MICU1: variants seen among roughly 807,000 people sequenced by gnomAD.
MICU1 encodes calcium uptake protein 1, mitochondrial.
Under a neutral mutation model 56.8 loss-of-function variants are expected in MICU1, and 45 were observed. That is an observed-to-expected ratio of 0.79 (90% confidence interval 0.62 to 1.02). MICU1 has a LOEUF of 1.02. Among genes scored for constraint, MICU1 ranks in the 50% least tolerant of loss-of-function variants. The pLI is 0.00. For synonymous variants in MICU1, 186 were observed against 195.1 expected (o/e 0.95, Z 0.39); for missense variants, 504 against 587.1 (o/e 0.86, Z 1.46).
intron 9 of MICU1, among the ~76,000 whole-genome samples, chr10:72,409,893 C>G (rs1040388893): frequency 1.3e-5 from 2 of 152,164 alleles, no homozygotes. Context: ...AAGGAACAGA[C>G]TATTATCATC....
chr10:72,485,124 A>C (rs1866425194), intron 6 of MICU1, among the ~76,000 whole-genome samples: 1 of 152,234 alleles, frequency 6.6e-6, no homozygotes, highest in African/African-American at 2.4e-5. Flanking sequence ...AAAATTAACC[A>C]AAATAAAGAA....
chr10:72,450,546 T>C (rs906402469), intron 8 of MICU1, among the ~76,000 whole-genome samples: 1 of 152,086 alleles, frequency 6.6e-6, no homozygotes, highest in African/African-American at 2.4e-5. Flanking sequence ...TCCGGGGAAC[T>C]AACTCTAACA....
At chr10:72,454,989 T>C (rs1355724410) in intron 8 of MICU1, among the ~76,000 whole-genome samples, 2 of 151,974 alleles carry the variant, frequency 1.3e-5, no homozygotes, top group Non-Finnish European at 1.5e-5. Flanking sequence ...AGATCAGAGT[T>C]TGAACCTAAG....
chr10:72,382,566 A>C (rs994419328), intron 10 of MICU1, among the ~76,000 whole-genome samples: 1 of 152,176 alleles, frequency 6.6e-6, no homozygotes, highest in Non-Finnish European at 1.5e-5. Flanking sequence ...GGGGGTGAGT[A>C]CATTAGGAGA....
At chr10:72,613,478 T>C (rs1470080797) in intron 1 of MICU1, among the ~76,000 whole-genome samples, 1 of 151,782 alleles carries the variant, frequency 6.6e-6, no homozygotes, top group Non-Finnish European at 1.5e-5. Context: ...GGTCCCATTA[T>C]GTTGTTCAGG....
At chr10:72,435,473 C>T (rs758051977) in intron 8 of MICU1, among the ~76,000 whole-genome samples, 56 of 150,970 alleles carry the variant, frequency 3.7e-4, no homozygotes, top group Non-Finnish European at 7.5e-4. Flanking sequence ...CCAGCATGAT[C>T]GATGCAGAAG....
chr10:72,391,783 T>C (rs1369855709), intron 10 of MICU1, among the ~76,000 whole-genome samples: 1 of 152,188 alleles, frequency 6.6e-6, no homozygotes, highest in Non-Finnish European at 1.5e-5. Flanking sequence ...AGTGAATACA[T>C]AAAAAATATA....
At chr10:72,464,599 C>T (rs1865734893) in intron 8 of MICU1, among the ~76,000 whole-genome samples, 1 of 152,092 alleles carries the variant, frequency 6.6e-6, no homozygotes, top group Admixed American at 6.5e-5. Flanking sequence ...CTATGGTATA[C>T]CTATATACCA....
At chr10:72,577,958 T>C (rs1462381016) in intron 1 of MICU1, among the ~76,000 whole-genome samples, 3 of 152,160 alleles carry the variant, frequency 2.0e-5, no homozygotes, top group Non-Finnish European at 4.4e-5. Flanking sequence ...ATAAACTTTG[T>C]TGATAAGGCA....
intron 1 of MICU1, among the ~76,000 whole-genome samples, chr10:72,583,664 T>C (rs766622539): frequency 6.6e-6 from 1 of 152,192 alleles, no homozygotes; most frequent in Non-Finnish European, 1.5e-5. Flanking sequence ...GATAAGCTAC[T>C]AGAAATACAA....
intron 8 of MICU1, among the ~76,000 whole-genome samples, chr10:72,437,031 C>T (rs564151616): frequency 6.6e-6 from 1 of 152,250 alleles, no homozygotes; most frequent in African/African-American, 2.4e-5. Context: ...CATTCAAATT[C>T]AGGAAATACA....
chr10:72,404,272 C>T (rs917260862), intron 10 of MICU1, among the ~76,000 whole-genome samples: 1 of 152,180 alleles, frequency 6.6e-6, no homozygotes, highest in Non-Finnish European at 1.5e-5. Flanking sequence ...GCGTGAGCCA[C>T]CACGCCCAGA....
chr10:72,448,427 G>A (rs1224137797), intron 8 of MICU1, among the ~76,000 whole-genome samples: 2 of 150,898 alleles, frequency 1.3e-5, no homozygotes, highest in Non-Finnish European at 2.9e-5. Flanking sequence ...GCCCACCTTG[G>A]CCTCCCAAAG....
intron 1 of MICU1, among the ~76,000 whole-genome samples, chr10:72,595,384 G>A (rs148933914): frequency 9.4e-4 from 141 of 149,524 alleles, no homozygotes; most frequent in African/African-American, 3.2e-3. Flanking sequence ...CTCAGGAGAC[G>A]GAGGTTGCAG....
rs74145761 is a variant in MICU1, at chr10:72,368,083, C to A, written c.*112G>T. 1 of 1,178,938 alleles carries A rather than the reference C, an allele frequency of 8.5e-7. No homozygotes were observed. The highest frequency in any genetic ancestry group is 2.4e-5 in the Admixed American group (1 of 41,006). 73.0% of individuals were successfully genotyped at this position (1,178,938 alleles called of 1,614,324 possible). Reference sequence around the variant, plus strand: ...AACCGACAGAGTCCTGAGGTCATCCCGGGAGGAAGGGGGACTACTTCCAGA... The same window carrying A: ...AACCGACAGAGTCCTGAGGTCATCCAGGGAGGAAGGGGGACTACTTCCAGA... On this transcript the variant is annotated 3_prime_UTR_variant, in exon 12 of 12. Transcript: ENST00000361114.
At chr10:72,547,104 AG>A (rs1242348841) in intron 4 of MICU1, among the ~76,000 whole-genome samples, 2 of 152,018 alleles carry the variant, frequency 1.3e-5, no homozygotes, top group African/African-American at 4.8e-5. Flanking sequence ...CATGTTAGCC[AG>A]GATGGTCTCG....
At chr10:72,413,146 G>A (rs1173353759) in intron 9 of MICU1, among the ~76,000 whole-genome samples, 1 of 150,184 alleles carries the variant, frequency 6.7e-6, no homozygotes, top group Non-Finnish European at 1.5e-5. Context: ...GTAGTGAGCC[G>A]AGATCGTGCC....
chr10:72,577,595 G>A (rs574078519), intron 1 of MICU1, among the ~76,000 whole-genome samples: 16 of 151,958 alleles, frequency 1.1e-4, no homozygotes, highest in African/African-American at 2.9e-4. Context: ...TTGCATATGC[G>A]GAGGAAACAG....
intron 6 of MICU1, among the ~76,000 whole-genome samples, chr10:72,506,635 C>A (rs1032561253): frequency 2.6e-5 from 4 of 152,114 alleles, no homozygotes; most frequent in Non-Finnish European, 5.9e-5. Flanking sequence ...AAATATTAGG[C>A]ACTAAACTAT....
Sources: gnomAD v4.1 joint callset for allele counts (sites outside exome capture counted in the v4.1 genomes callset) on GRCh38, gnomAD v4.1.1 for gene constraint, MANE v1.5 for transcripts, NCBI Gene and HGNC (gene_info 2026-07-23, HGNC 2026-07-21) for gene names.